Variants in CPED1 observed in about 807,000 individuals in gnomAD.
CPED1 encodes the protein cadherin like and PC-esterase domain containing 1.
A neutral mutation model predicts 128.2 loss-of-function variants in CPED1; 114 were observed. That is an observed-to-expected ratio of 0.89 (90% confidence interval 0.76 to 1.04). The LOEUF is 1.04. Among genes scored for constraint, CPED1 ranks in the 50% least tolerant of loss-of-function variants. CPED1 has a pLI of 0.00. For missense variants in CPED1, 1,211 were observed against 1,207.1 expected, an observed-to-expected ratio of 1.00 and a Z score of -0.05; for synonymous variants, 462 against 426.7, an observed-to-expected ratio of 1.08 and a Z score of -1.02.
chr7:121,225,126 C>T (rs193061288), intron 16 of CPED1, among the ~76,000 whole-genome samples: 237 of 152,112 alleles, frequency 1.6e-3, no homozygotes, highest in African/African-American at 5.2e-3. Context: ...TGTTTCTTTC[C>T]ATGTTTAGTG....
chr7:121,142,562 G>A (rs1437904556), intron 16 of CPED1, among the ~76,000 whole-genome samples: 3 of 151,836 alleles, frequency 2.0e-5, no homozygotes, highest in Admixed American at 6.6e-5. Flanking sequence ...TTTACAAGAC[G>A]GATACTGGAT....
intron 2 of CPED1, among the ~76,000 whole-genome samples, chr7:121,004,432 T>G (rs1267668828): frequency 6.6e-6 from 1 of 152,202 alleles, no homozygotes; most frequent in Non-Finnish European, 1.5e-5. Context: ...TCCATTAGGC[T>G]GGACTCTGCC....
chr7:121,230,211 A>G (rs2116648329), intron 16 of CPED1, among the ~76,000 whole-genome samples: 1 of 152,158 alleles, frequency 6.6e-6, no homozygotes, highest in Non-Finnish European at 1.5e-5. Context: ...GAAATCAAGA[A>G]AAAAAGAAAT....
At chr7:121,097,903 A>G (rs1794740321) in intron 6 of CPED1, 72 bp downstream of exon 6, 5 of 1,504,930 alleles carry the variant, frequency 3.3e-6, no homozygotes, top group Non-Finnish European at 4.6e-6. Context: ...AAAAGCACAG[A>G]ACAGATATGG....
At chr7:121,228,876 G>A (rs1249155318) in intron 16 of CPED1, among the ~76,000 whole-genome samples, 4 of 151,928 alleles carry the variant, frequency 2.6e-5, no homozygotes, top group Non-Finnish European at 5.9e-5. Context: ...AATAAACCAG[G>A]CACAAAAAGA....
At chr7:121,105,552 A>G (rs1326400827) in intron 7 of CPED1, among the ~76,000 whole-genome samples, 1 of 152,110 alleles carries the variant, frequency 6.6e-6, no homozygotes, top group African/African-American at 2.4e-5. Flanking sequence ...AGAGTTTGTA[A>G]AAAGAGTTGA....
At chr7:121,081,434 A>G (rs923560750) in intron 5 of CPED1, among the ~76,000 whole-genome samples, 6 of 152,296 alleles carry the variant, frequency 3.9e-5, no homozygotes, top group South Asian at 2.1e-4. Context: ...ACTCTATTAT[A>G]TAGAAAACCC....
chr7:121,258,154 AC>A (rs1791927521), intron 18 of CPED1, among the ~76,000 whole-genome samples: 1 of 152,098 alleles, frequency 6.6e-6, no homozygotes, highest in African/African-American at 2.4e-5. Flanking sequence ...AATATCAGTT[AC>A]CCTAATATGT....
At chr7:121,044,650 C>CTTTTTTTTTTTTTT (rs58884492) in intron 3 of CPED1, among the ~76,000 whole-genome samples, 35 of 106,016 alleles carry the variant, frequency 3.3e-4, no homozygotes, top group African/African-American at 6.5e-4. Flanking sequence ...ACTTTCTGCT[C>CTTTTTTTTTTTTTT]TTTTTTTTTT....
At chr7:121,280,753 G>A (rs961767115) in intron 22 of CPED1, among the ~76,000 whole-genome samples, 1 of 152,082 alleles carries the variant, frequency 6.6e-6, no homozygotes, top group African/African-American at 2.4e-5. Flanking sequence ...GAAATTATGA[G>A]TTATAAGGAC....
intron 14 of CPED1, among the ~76,000 whole-genome samples, chr7:121,138,331 T>C (rs1795827000): frequency 6.6e-6 from 1 of 152,084 alleles, no homozygotes; most frequent in Non-Finnish European, 1.5e-5. Context: ...CGTGCTGGGT[T>C]CTCCGTAGAT....
chr7:121,033,495 A>G (rs1278545189), intron 3 of CPED1, among the ~76,000 whole-genome samples: 1 of 152,224 alleles, frequency 6.6e-6, no homozygotes, highest in Non-Finnish European at 1.5e-5. Context: ...ACAGTGTCCT[A>G]CACACTTTAA....
In CPED1 at chr7:121,097,845, T is replaced by A. The variant is rs771570510; in HGVS notation, c.749+14T>A. On this transcript the variant is annotated intron_variant, in intron 6 of 22. Transcript: ENST00000310396. ...TCGTGAACAGCTGTAAGCTAATCAT[T>A]TTGAATTGTTATAACCAGCATGCAT... 1 of 1,613,256 alleles carries A rather than the reference T, an allele frequency of 6.2e-7. No individual in the cohort carries two copies. Among genetic ancestry groups the A allele is most frequent in the Non-Finnish European group, 8.5e-7 (1 of 1,179,470 alleles).
At chr7:121,218,410 CCCA>C (rs1423560111) in intron 16 of CPED1, among the ~76,000 whole-genome samples, 1 of 151,852 alleles carries the variant, frequency 6.6e-6, no homozygotes, top group Non-Finnish European at 1.5e-5. Flanking sequence ...CATAACATTC[CCCA>C]CAAGTTACAT....
At chr7:121,064,374 A>C in intron 5 of CPED1, 61 bp downstream of exon 5, 1 of 1,179,800 alleles carries the variant, frequency 8.5e-7, no homozygotes, top group Non-Finnish European at 1.3e-6. Flanking sequence ...CCCTTAGCAG[A>C]AGCAGCTAAC....
intron 16 of CPED1, among the ~76,000 whole-genome samples, chr7:121,171,988 A>G (rs766636550): frequency 2.6e-5 from 4 of 152,148 alleles, no homozygotes; most frequent in East Asian, 1.9e-4. Context: ...TTTGAACCCT[A>G]CTCTGAATAG....
chr7:121,236,017 A>T (rs1798246349), intron 16 of CPED1, among the ~76,000 whole-genome samples: 1 of 152,162 alleles, frequency 6.6e-6, no homozygotes, highest in Admixed American at 6.5e-5. Context: ...AGGACATAGG[A>T]CAGGTACAGG....
Position 121,128,368 on chromosome 7 carries a change from C to T in CPED1, c.1303-14C>T, listed in dbSNP as rs781110240. ...TTTAACAATTGCTTAAGTTCTTTCC[C>T]CCTACCAATACAGGGTGAAAACTAT... On this transcript the variant is annotated splice_polypyrimidine_tract_variant and intron_variant, in intron 10 of 22. Coordinates refer to ENST00000310396, the MANE Select transcript of CPED1 (RefSeq NM_024913.5). 3.6e-5 allele frequency: 50 copies of T among 1,400,362 alleles called. No homozygotes were observed. Among genetic ancestry groups the T allele is most frequent in the Non-Finnish European group, 4.9e-5 (48 of 987,908 alleles). The allele number at this position is 1,400,362 out of a possible 1,614,324, so 86.7% of individuals were successfully genotyped here. A position where few individuals can be genotyped will look rare whatever the true frequency, so the allele number is the denominator to read the frequency against.
intron 16 of CPED1, among the ~76,000 whole-genome samples, chr7:121,147,685 A>G (rs1199071496): frequency 6.6e-6 from 1 of 152,156 alleles, no homozygotes. Context: ...GAATAGGGTC[A>G]TAAATAAAAG....
Sources: allele counts gnomAD v4.1 joint callset (sites outside exome capture counted in the v4.1 genomes callset), GRCh38; gene constraint gnomAD v4.1.1; transcripts MANE v1.5; gene names NCBI Gene and HGNC (gene_info 2026-07-23, HGNC 2026-07-21).